SERINC5: variants seen among roughly 807,000 people sequenced by gnomAD.
The protein encoded by SERINC5 is chromosome 5 open reading frame 12.
In SERINC5, 41 loss-of-function variants were observed where a neutral mutation model predicts 63.1. The observed-to-expected ratio is 0.65, with a 90% CI of 0.51 to 0.84. SERINC5 has a LOEUF of 0.84. Among genes scored for constraint, SERINC5 ranks in the 40% least tolerant of loss-of-function variants. SERINC5 has a pLI of 0.00. For synonymous variants in SERINC5, 222 were observed against 215.2 expected (o/e 1.03, Z -0.28); for missense variants, 523 against 573.0 (o/e 0.91, Z 0.89).
Position 80,146,245 on chromosome 5 carries a change from C to T in SERINC5, c.1094-11G>A, listed in dbSNP as rs955027086. 1 of 1,613,804 alleles carries T rather than the reference C, an allele frequency of 6.2e-7. No individual in the cohort carries two copies. The highest frequency in any genetic ancestry group is 8.5e-7 in the Non-Finnish European group (1 of 1,179,792). On this transcript the variant is annotated splice_polypyrimidine_tract_variant and intron_variant, in intron 10 of 11. Coordinates refer to ENST00000507668, the MANE Select transcript of SERINC5 (RefSeq NM_001174072.3). ...GCTGCTCTTCAGTGTCTGTGAAGCA[C>T]AGAGGGAGCCCAGGCTCAATGAGTG... is the stretch of plus-strand genomic sequence containing the variant.
At chr5:80,133,694 G>A (rs1011138766) in intron 11 of SERINC5, among the ~76,000 whole-genome samples, 1 of 152,216 alleles carries the variant, frequency 6.6e-6, no homozygotes, top group Non-Finnish European at 1.5e-5. Context: ...CACTGCCTAG[G>A]CAGACTCAAT....
At chr5:80,226,112 G>A (rs1751154830) in intron 1 of SERINC5, among the ~76,000 whole-genome samples, 1 of 151,566 alleles carries the variant, frequency 6.6e-6, no homozygotes, top group African/African-American at 2.4e-5. Context: ...AGGTTGGAGT[G>A]CGGTAGCACG....
rs924616435 is a variant in SERINC5 at position 80,139,932 on chromosome 5, G to A, written c.*3731C>T. ...ATACTATTTGGAAAGGCAATAAAGG[G>A]AGTGTAAAAGCCTAGGTAGCTTAAA... On this transcript the variant is annotated 3_prime_UTR_variant, in exon 12 of 12. Transcript: ENST00000507668. The A allele has an allele frequency of 4.1e-6, 4 of 985,322 alleles. No homozygotes were observed. Among genetic ancestry groups the A allele is most frequent in the Non-Finnish European group, 4.8e-6 (4 of 829,936 alleles). 61.0% of individuals were successfully genotyped at this position (985,322 alleles called of 1,614,324 possible).
In SERINC5 at chr5:80,142,886, C is replaced by G; in HGVS notation, c.*777G>C. On this transcript the variant is annotated 3_prime_UTR_variant, in exon 12 of 12. Transcript: ENST00000507668. ...TCTTGTTCTATAATCATGTGAATAA[C>G]ACCATAAATAAGCGCCGTACTTATT... 7 of 985,434 alleles carry G rather than the reference C, an allele frequency of 7.1e-6. No homozygotes were observed. Among genetic ancestry groups the G allele is most frequent in the Non-Finnish European group, 8.4e-6 (7 of 829,936 alleles). The allele number at this position is 985,434 out of a possible 1,614,324, so 61.0% of individuals were successfully genotyped here. A position where few individuals can be genotyped will look rare whatever the true frequency, so the allele number is the denominator to read the frequency against.
chr5:80,116,241 G>A lies in SERINC5; in HGVS notation c.1239-2616C>T, dbSNP rs190060895. Reference sequence around the variant, plus strand: ...AATGCTAAAACCAGGCTTTCCTGTCGGAGTTGGGGCCAGAGATGTTTCCAT... The same window carrying A: ...AATGCTAAAACCAGGCTTTCCTGTCAGAGTTGGGGCCAGAGATGTTTCCAT... On this transcript the variant is annotated intron_variant, in intron 11 of 12. Transcript: ENST00000509193. 4.3e-4 allele frequency: 193 copies of A among 450,420 alleles called. 2 individuals are homozygous for A. Among genetic ancestry groups the A allele is most frequent in the Admixed American group, 3.6e-3 (148 of 40,840 alleles). 27.9% of individuals were successfully genotyped at this position (450,420 alleles called of 1,614,324 possible).
intron 11 of SERINC5, among the ~76,000 whole-genome samples, chr5:80,124,336 G>A (rs548253551): frequency 1.5e-4 from 23 of 152,268 alleles, no homozygotes; most frequent in African/African-American, 5.5e-4. Flanking sequence ...CTCAGGGCAC[G>A]CCCAAAGTGT....
At chr5:80,254,798 A>C (rs1326850937) in intron 1 of SERINC5, among the ~76,000 whole-genome samples, 1 of 152,240 alleles carries the variant, frequency 6.6e-6, no homozygotes, top group Non-Finnish European at 1.5e-5. Flanking sequence ...TATGCCAAGC[A>C]CAGTATTAGA....
intron 2 of SERINC5, among the ~76,000 whole-genome samples, chr5:80,197,853 C>T (rs10474610): frequency 0.31 from 46,611 of 151,838 alleles, 7,418 homozygotes; most frequent in African/African-American, 0.33. Context: ...AATGGACTTT[C>T]TTTTTGAGAC....
At chr5:80,187,646 C>T (rs1311899192) in intron 2 of SERINC5, among the ~76,000 whole-genome samples, 1 of 152,180 alleles carries the variant, frequency 6.6e-6, no homozygotes, top group Non-Finnish European at 1.5e-5. Context: ...CCAGTACTGG[C>T]TTCTCTTTTC....
intron 11 of SERINC5, among the ~76,000 whole-genome samples, chr5:80,133,139 G>A (rs1165526068): frequency 6.6e-6 from 1 of 152,086 alleles, no homozygotes. Flanking sequence ...GTGCCTGCTC[G>A]CACTTCACCT....
chr5:80,252,058 CTTTTTTTTTT>C (rs3038416), intron 1 of SERINC5, among the ~76,000 whole-genome samples: 2 of 103,514 alleles, frequency 1.9e-5, no homozygotes, highest in African/African-American at 7.4e-5. Flanking sequence ...TTTTCTTTTC[CTTTTTTTTTT>C]TTTTTTTTTT....
intron 11 of SERINC5, among the ~76,000 whole-genome samples, chr5:80,132,591 C>T (rs1332770252): frequency 6.9e-6 from 1 of 145,738 alleles, no homozygotes; most frequent in Admixed American, 6.8e-5. Flanking sequence ...TATGCATTTG[C>T]CTTAGTTCTT....
chr5:80,133,010 G>A (rs1745007803), intron 11 of SERINC5, among the ~76,000 whole-genome samples: 1 of 152,130 alleles, frequency 6.6e-6, no homozygotes. Context: ...GGGCCTGGTG[G>A]GAGGTGTCAT....
At chr5:80,233,804 A>C (rs1319022635) in intron 1 of SERINC5, among the ~76,000 whole-genome samples, 2 of 109,606 alleles carry the variant, frequency 1.8e-5, no homozygotes, top group Non-Finnish European at 1.9e-5. Context: ...TTCAACTTTT[A>C]CTTTTTTTTT....
chr5:80,209,350 G>GAC (rs10638723), intron 1 of SERINC5, among the ~76,000 whole-genome samples: 16,541 of 152,140 alleles, frequency 0.11, 934 homozygotes, highest in East Asian at 0.16. Context: ...AGAAGAGGAG[G>GAC]ACACACACAC....
At chr5:80,227,850 C>T (rs1236715491) in intron 1 of SERINC5, among the ~76,000 whole-genome samples, 2 of 151,292 alleles carry the variant, frequency 1.3e-5, no homozygotes, top group African/African-American at 4.9e-5. Flanking sequence ...CCCTGACTTA[C>T]AAAAAAGAAA....
At chr5:80,126,438 T>C (rs902769925) in intron 11 of SERINC5, among the ~76,000 whole-genome samples, 8 of 152,232 alleles carry the variant, frequency 5.3e-5, no homozygotes, top group Non-Finnish European at 1.0e-4. Context: ...ATATATCTTT[T>C]AGTGCTAGAT....
chr5:80,141,455 G>A lies in SERINC5; in HGVS notation c.*2208C>T, dbSNP rs544563409. 1.0e-5 allele frequency: 10 copies of A among 981,148 alleles called. No homozygotes were observed. The highest frequency in any genetic ancestry group is 1.1e-4 in the East Asian group (1 of 8,822). The allele number at this position is 981,148 out of a possible 1,614,324, so 60.8% of individuals were successfully genotyped here. ...CTTGTCAGCTGGACCTTGACTGCGC[G>A]TAAGGTCAGTTTCTCAAATCACACC... On this transcript the variant is annotated 3_prime_UTR_variant, in exon 12 of 12. Transcript: ENST00000507668.
chr5:80,169,336 A>G lies in SERINC5; in HGVS notation c.762T>C (p.Asn254=), dbSNP rs1407861473. Residue 254 remains asparagine, a splice_region_variant and synonymous_variant, in exon 6 of 12, where the codon AAT becomes AAC. Transcript: ENST00000507668. ...AAGAATGGAAAAAAACATGCTTACG[A>G]TTTTGGACCCAGGGTGAGATGGCTA... ...SLVAISPWVQ[N]RQPHSGLLQS... 1 of 1,613,378 alleles carries G rather than the reference A, an allele frequency of 6.2e-7. No homozygotes were observed. The highest frequency in any genetic ancestry group is 1.1e-5 in the South Asian group (1 of 91,048).
Sources: gnomAD v4.1 joint callset for allele counts (sites outside exome capture counted in the v4.1 genomes callset) on GRCh38, gnomAD v4.1.1 for gene constraint, MANE v1.5 for transcripts, NCBI Gene and HGNC (gene_info 2026-07-23, HGNC 2026-07-21) for gene names.